The following OVCH1 variants were observed in gnomAD, a reference collection of about 807,000 sequenced individuals.
OVCH1 encodes the protein ovochymase-1.
OVCH1 carries 139 observed loss-of-function variants against 138.4 expected under a neutral mutation model. The ratio of observed to expected loss-of-function variants is 1.00; its 90% CI spans 0.87 to 1.16. The LOEUF is 1.16. Ranked by LOEUF, OVCH1 falls within the 50% of genes most tolerant of loss-of-function variation. The pLI is 0.00. For synonymous variants in OVCH1, 453 were observed against 467.8 expected (o/e 0.97, Z 0.41); for missense variants, 1,367 against 1,357.9 (o/e 1.01, Z -0.11).
chr12:29,493,516 A>G (rs1396982771), intron 4 of OVCH1, among the ~76,000 whole-genome samples: 1 of 151,942 alleles, frequency 6.6e-6, no homozygotes, highest in African/African-American at 2.4e-5. Context: ...CTAAACTTCA[A>G]ATTGGATGTT....
intron 24 of OVCH1, 116 bp from the exon 25 acceptor site, chr12:29,443,616 G>T: frequency 9.6e-7 from 1 of 1,040,734 alleles, no homozygotes; most frequent in Non-Finnish European, 1.3e-6. Flanking sequence ...CTTATTTTTT[G>T]TGTCTGTTTC....
chr12:29,455,340 G>A, exon 20 of OVCH1: 1 of 1,613,808 alleles, frequency 6.2e-7, no homozygotes, highest in Non-Finnish European at 8.5e-7. Flanking sequence ...CTCCCCAGCT[G>A]ACAATGCCAT....
rs780488731 is a variant in OVCH1, at chr12:29,439,340, C to T, written c.3252G>A (p.Trp1084Ter). 1.5e-5 allele frequency: 23 copies of T among 1,524,684 alleles called. No individual in the cohort carries two copies. The African/African-American group carries it at 3.0e-4, about 20-fold the overall frequency. The allele number at this position is 1,524,684 out of a possible 1,614,324, so 94.4% of individuals were successfully genotyped here. A position where few individuals can be genotyped will look rare whatever the true frequency, so the allele number is the denominator to read the frequency against. Residue 1084 changes from tryptophan to a stop codon, truncating the protein, a stop_gained, in exon 26 of 28, where the codon TGG (tryptophan) becomes TGA (stop). Coordinates refer to ENST00000318184, the Ensembl canonical transcript of OVCH1. LOFTEE classifies it high-confidence loss of function. Reference sequence around the variant, plus strand: ...TTGAGTTACTCACCACTGAATTTTCCCATATATGCATGATATATGTGTTAA... The same window carrying T: ...TTGAGTTACTCACCACTGAATTTTCTCATATATGCATGATATATGTGTTAA...
rs868233157 is a variant in OVCH1, at chr12:29,487,674, G to A, written c.892+19C>T. The A allele has an allele frequency of 3.2e-6, 5 of 1,568,828 alleles. No homozygotes were observed. Among genetic ancestry groups the A allele is most frequent in the Middle Eastern group, 1.7e-4 (1 of 5,998 alleles). On this transcript the variant is annotated intron_variant, in intron 7 of 27. Transcript: ENST00000318184. The stretch of plus-strand genomic sequence containing the variant: ...TACCCTTGAGTTAGGATGAGATGAG[G>A]AAGAAAGAATTCACCTACCTGTGAA...
chr12:29,416,681 C>T (rs1941035047), intron 3 of OVCH1, among the ~76,000 whole-genome samples: 1 of 152,112 alleles, frequency 6.6e-6, no homozygotes, highest in Non-Finnish European at 1.5e-5. Flanking sequence ...TGCAGAAAAA[C>T]TAGGTCACTC....
chr12:29,421,281 T>C (rs1471457883), intron 3 of OVCH1, among the ~76,000 whole-genome samples: 1 of 152,220 alleles, frequency 6.6e-6, no homozygotes, highest in Non-Finnish European at 1.5e-5. Context: ...GTTGGCCAAC[T>C]TCCTGTATTG....
At chr12:29,420,052 A>G (rs7297659) in intron 3 of OVCH1, among the ~76,000 whole-genome samples, 26,268 of 152,110 alleles carry the variant, frequency 0.17, 2,534 homozygotes, top group African/African-American at 0.27. Flanking sequence ...CATTATATTT[A>G]ATCATTTGGC....
chr12:29,445,474 G>A lies in OVCH1; in HGVS notation c.2756-71C>T, dbSNP rs557752194. The stretch of plus-strand genomic sequence containing the variant: ...GACAGCAGTTTCTGTATTTTAGGCC[G>A]AGCAATTAATTTAACCCACGAGGTA... On this transcript the variant is annotated intron_variant, in intron 22 of 27. Transcript: ENST00000318184. 7.2e-5 allele frequency: 102 copies of A among 1,419,662 alleles called. 1 individual carries two copies. The highest frequency in any genetic ancestry group is 4.5e-4 in the African/African-American group (31 of 69,290). The allele number at this position is 1,419,662 out of a possible 1,614,324, so 87.9% of individuals were successfully genotyped here. A position where few individuals can be genotyped will look rare whatever the true frequency, so the allele number is the denominator to read the frequency against.
At chr12:29,471,758 A>C in intron 16 of OVCH1, 44 bp downstream of exon 16, 1 of 1,544,606 alleles carries the variant, frequency 6.5e-7, no homozygotes, top group Non-Finnish European at 8.7e-7. Context: ...ATTACTTACA[A>C]ATGCATGTGC....
chr12:29,477,450 T>A lies in OVCH1; in HGVS notation c.1137A>T (p.Ser379=), dbSNP rs771657579. The A allele has an allele frequency of 5.0e-6, 8 of 1,613,884 alleles. No homozygotes were observed. In the Admixed American group the frequency reaches 1.2e-4, roughly 24 times the overall value. Residue 379 remains serine, a synonymous_variant, in exon 11 of 28, where the codon TCA becomes TCT. Coordinates refer to ENST00000318184, the Ensembl canonical transcript of OVCH1. ...CCTCACTGGTCTCTGCCAGCAATGG[T>A]GAAGGCAATATTTTTCCACAGACCT... is the stretch of plus-strand genomic sequence containing the variant.
chr12:29,423,080 G>T (rs1941127188), downstream of OVCH1: 1 of 368,794 alleles, frequency 2.7e-6, no homozygotes, highest in Admixed American at 3.5e-5. Flanking sequence ...CTACTTCAAA[G>T]CTTATGCAGT....
chr12:29,480,819 T>C (rs1412060037), intron 8 of OVCH1, among the ~76,000 whole-genome samples: 2 of 152,184 alleles, frequency 1.3e-5, no homozygotes, highest in Non-Finnish European at 2.9e-5. Flanking sequence ...TTAGCTCCAG[T>C]TGGAATTCAC....
chr12:29,419,903 G>T (rs1000162906), intron 3 of OVCH1, among the ~76,000 whole-genome samples: 2 of 152,128 alleles, frequency 1.3e-5, no homozygotes, highest in Admixed American at 1.3e-4. Flanking sequence ...GCCTTATAAG[G>T]ATGACTTCTT....
exon 20 of OVCH1, chr12:29,455,355 G>A (rs1306069561): frequency 1.2e-6 from 2 of 1,613,700 alleles, no homozygotes; most frequent in Admixed American, 3.3e-5. Context: ...TGCCATAGAG[G>A]ACAAAGGGAC....
At chr12:29,428,189 A>C (rs775619043) in intron 27 of OVCH1, among the ~76,000 whole-genome samples, 17 of 152,188 alleles carry the variant, frequency 1.1e-4, no homozygotes, top group Non-Finnish European at 1.9e-4. Context: ...TCTCTTGGCT[A>C]AAATGAGGAA....
intron 27 of OVCH1, among the ~76,000 whole-genome samples, chr12:29,430,490 G>T (rs960802963): frequency 1.1e-4 from 17 of 152,160 alleles, no homozygotes; most frequent in African/African-American, 3.6e-4. Flanking sequence ...TGCTACAGCT[G>T]CTGTGGGAGA....
downstream of OVCH1, among the ~76,000 whole-genome samples, chr12:29,410,886 GATAATATCCTGC>G (rs60855076): frequency 0.56 from 83,532 of 149,894 alleles, 25,138 homozygotes; most frequent in Middle Eastern, 0.77. Context: ...AGTTCTCCTG[GATAATATCCTGC>G]AGAGTGTTTT....
rs749564904 is a variant in OVCH1 at position 29,477,136 on chromosome 12, C to A, written c.1343G>T (p.Trp448Leu). Reference sequence around the variant, plus strand: ...GTGCTTCTCTGGAGCACAAATGAACCAATGACACCTTGTGTTACTGGGATA... The same window carrying A: ...GTGCTTCTCTGGAGCACAAATGAACAAATGACACCTTGTGTTACTGGGATA... Residue 448 changes from tryptophan to leucine, a missense_variant, in exon 12 of 28, where the codon TGG (tryptophan) becomes TTG (leucine). Coordinates refer to ENST00000318184, the Ensembl canonical transcript of OVCH1. The A allele has an allele frequency of 2.5e-6, 4 of 1,612,516 alleles. No individual in the cohort carries two copies. In the Admixed American group the frequency reaches 5.0e-5, roughly 20 times the overall value.
At chr12:29,409,755 G>C (rs1339335566), downstream of OVCH1, among the ~76,000 whole-genome samples, 3 of 152,142 alleles carry the variant, frequency 2.0e-5, no homozygotes, top group Non-Finnish European at 4.4e-5. Flanking sequence ...GAATAGGTGT[G>C]GTGTGGTGCT....
Sources: allele counts gnomAD v4.1 joint callset (sites outside exome capture counted in the v4.1 genomes callset), GRCh38; gene constraint gnomAD v4.1.1; transcripts MANE v1.5; gene names NCBI Gene and HGNC (gene_info 2026-07-23, HGNC 2026-07-21).